The following AXL variants were observed in gnomAD, a reference collection of about 807,000 sequenced individuals.
AXL encodes the protein AXL receptor tyrosine kinase, also known as tyrosine-protein kinase receptor UFO.
In AXL, 52 loss-of-function variants were observed where a neutral mutation model predicts 104.5. The ratio of observed to expected loss-of-function variants is 0.50; its 90% CI spans 0.40 to 0.63. AXL has a LOEUF of 0.63. Ranked by LOEUF, AXL falls within the 20% of genes least tolerant of loss-of-function variation. The pLI is 0.00. For missense variants in AXL, 1,024 were observed against 1,188.5 expected, an observed-to-expected ratio of 0.86 and a Z score of 2.04; for synonymous variants, 455 against 473.7, an observed-to-expected ratio of 0.96 and a Z score of 0.51.
At chr19:41,256,124 T>A (rs532598939) in intron 17 of AXL, among the ~76,000 whole-genome samples, 5 of 151,862 alleles carry the variant, frequency 3.3e-5, no homozygotes, top group Non-Finnish European at 7.4e-5. Context: ...GCTGCTTACT[T>A]ATGACTTGTG....
At chr19:41,253,737 C>A (rs565796552) in intron 17 of AXL, 29 bp downstream of exon 17, 102 of 1,252,162 alleles carry the variant, frequency 8.1e-5, no homozygotes, top group African/African-American at 4.1e-4. Context: ...CCCCCCCCCC[C>A]CAACTGCTCC....
chr19:41,242,862 G>C, intron 10 of AXL, 21 bp from the exon 11 acceptor site: 1 of 1,614,016 alleles, frequency 6.2e-7, no homozygotes, highest in Non-Finnish European at 8.5e-7. Flanking sequence ...TCCATGACCT[G>C]TTCCTCATAC....
At chr19:41,221,482 G>C (rs2033790373) in intron 3 of AXL, 1 of 524,776 alleles carries the variant, frequency 1.9e-6, no homozygotes. Context: ...GACTTCTTGG[G>C]GGTAGTTGGA....
At position 41,256,728 on chromosome 19, in the gene AXL, C is replaced by G. The variant is rs1015763332; in HGVS notation, c.2196+117C>G. On this transcript the variant is annotated intron_variant, in intron 18 of 19. Transcript: ENST00000301178. The stretch of plus-strand genomic sequence containing the variant: ...ACAGGGACATGTGGGCTTCCCTTTG[C>G]AGGGGCTTGTCCACATGGGCTGGGC... The G allele has an allele frequency of 5.1e-6, 7 of 1,383,476 alleles. No individual in the cohort carries two copies. The African/African-American group carries it at 1.0e-4, about 20-fold the overall frequency. 85.7% of individuals were successfully genotyped at this position (1,383,476 alleles called of 1,614,324 possible).
chr19:41,255,368 T>TTC (rs35063299), intron 17 of AXL, among the ~76,000 whole-genome samples: 34,310 of 149,022 alleles, frequency 0.23, 4,204 homozygotes, highest in East Asian at 0.29. Context: ...TTCTTTCTCT[T>TTC]TCTCTCTCTT....
At position 41,238,324 on chromosome 19, in the gene AXL, T is replaced by C. The variant is rs111625602; in HGVS notation, c.995-146T>C. On this transcript the variant is annotated intron_variant, in intron 7 of 19. Transcript: ENST00000301178. ...TGCCCGCTGGCCTCTCTCCCAGCCC[T>C]TCTCTCCCCTGTGCTTCCTCTCATG... is the stretch of plus-strand genomic sequence containing the variant. 7.9e-4 allele frequency: 1,155 copies of C among 1,466,130 alleles called. 9 individuals are homozygous for C. In the African/African-American group the frequency reaches 0.014, roughly 18 times the overall value. 90.8% of individuals were successfully genotyped at this position (1,466,130 alleles called of 1,614,324 possible). A position where few individuals can be genotyped will look rare whatever the true frequency, so the allele number is the denominator to read the frequency against.
In AXL at chr19:41,242,944, C is replaced by T. The variant is rs145779711; in HGVS notation, c.1374C>T (p.Val458=). 9 of 1,614,148 alleles carry T rather than the reference C, an allele frequency of 5.6e-6. No homozygotes were observed. Among genetic ancestry groups the T allele is most frequent in the South Asian group, 1.1e-5 (1 of 91,074 alleles). The change falls in exon 11 of 20, where the codon GTC becomes GTT. Residue 458 remains valine (V), a synonymous_variant. Coordinates refer to ENST00000301178, the MANE Select transcript of AXL (RefSeq NM_021913.5). Reference sequence around the variant, plus strand: ...GGTGGTATGTACTGCTAGGAGCAGTCGTGGCCGCTGCCTGTGTCCTCATCT... The same window carrying T: ...GGTGGTATGTACTGCTAGGAGCAGTTGTGGCCGCTGCCTGTGTCCTCATCT... ...WPWWYVLLGA[V]VAAACVLILA... is the part of the protein sequence containing the mutation.
intron 19 of AXL, among the ~76,000 whole-genome samples, chr19:41,258,452 G>A (rs374501186): frequency 1.1e-4 from 16 of 152,242 alleles, no homozygotes; most frequent in African/African-American, 1.9e-4. Flanking sequence ...CTTGAGTCTC[G>A]CTCTGTCGCC....
Position 41,256,488 on chromosome 19 carries a change from C to T in AXL, c.2073C>T (p.Phe691=), listed in dbSNP as rs750332848. ...ACATGTCCGTGTGTGTGGCGGACTT[C>T]GGGCTCTCCAAGAAGATCTACAATG... ...NENMSVCVAD[F]GLSKKIYNGD... is the part of the protein sequence containing the mutation. Residue 691 remains phenylalanine, a synonymous_variant, in exon 18 of 20, where the codon TTC becomes TTT. Coordinates refer to ENST00000301178, the MANE Select transcript of AXL (RefSeq NM_021913.5). 366 of 1,614,028 alleles carry T rather than the reference C, an allele frequency of 2.3e-4. 5 individuals are homozygous for T. The South Asian group carries it at 2.9e-3, about 13-fold the overall frequency.
intron 4 of AXL, among the ~76,000 whole-genome samples, chr19:41,225,567 G>A (rs1032559830): frequency 2.6e-5 from 4 of 152,208 alleles, no homozygotes; most frequent in African/African-American, 9.6e-5. Context: ...CAGCCTAGAT[G>A]TACATTGCGT....
chr19:41,239,222 C>G lies in AXL; in HGVS notation c.1193C>G (p.Ser398Cys), dbSNP rs2122237749. The G allele has an allele frequency of 6.2e-7, 1 of 1,613,134 alleles. No individual in the cohort carries two copies. The highest frequency in any genetic ancestry group is 8.5e-7 in the Non-Finnish European group (1 of 1,179,452). ...ACCCTGGAGCTGCAGGGGGACGGGT[C>G]TGTGTCCAATCTGACAGTGTGTGTG... ...EVTLELQGDG[S>C]VSNLTVCVAA... Residue 398 changes from serine to cysteine, a missense_variant, in exon 9 of 20, where the codon TCT (serine) becomes TGT (cysteine). Physicochemically the swap from Ser to Cys is moderately radical, Grantham distance 112 (BLOSUM62 -1). Coordinates refer to ENST00000301178, the MANE Select transcript of AXL (RefSeq NM_021913.5).
chr19:41,221,833 T>C lies in AXL; in HGVS notation c.410-47T>C. ...CATCCTAGTGGTGAGTCAGGCATCT[T>C]GGGGCCTCAGAGGGACCCCAGCCTC... On this transcript the variant is annotated intron_variant, in intron 3 of 19. Transcript: ENST00000301178. 3 of 1,591,258 alleles carry C rather than the reference T, an allele frequency of 1.9e-6. No homozygotes were observed. The South Asian group carries it at 3.4e-5, about 18-fold the overall frequency.
At chr19:41,248,095 G>T (rs1323838608) in intron 12 of AXL, among the ~76,000 whole-genome samples, 1 of 150,580 alleles carries the variant, frequency 6.6e-6, no homozygotes, top group African/African-American at 2.4e-5. Flanking sequence ...GCTAATTTTT[G>T]TATTTTTTTG....
chr19:41,243,954 C>T (rs1234377625), intron 12 of AXL: 3 of 422,742 alleles, frequency 7.1e-6, no homozygotes, highest in East Asian at 4.1e-5. Context: ...GCCTGTAATC[C>T]TAGCGCTTCG....
Position 41,252,898 on chromosome 19 carries a change from C to T in AXL, c.1857C>T (p.Ile619=), listed in dbSNP as rs2122276957. The T allele has an allele frequency of 4.4e-6, 7 of 1,603,216 alleles. No individual in the cohort carries two copies. The highest frequency in any genetic ancestry group is 6.0e-6 in the Non-Finnish European group (7 of 1,175,008). The part of the protein sequence containing the change: ...ERESFPAPVV[I]LPFMKHGDLH... ...AGAGCTTCCCAGCACCTGTGGTCATCTTACCTTTCATGAAACATGGAGACC... is the reference window on the plus strand; with the variant it reads ...AGAGCTTCCCAGCACCTGTGGTCATTTTACCTTTCATGAAACATGGAGACC... The change falls in exon 16 of 20, where the codon ATC becomes ATT. Residue 619 remains isoleucine (I), a synonymous_variant. Coordinates refer to ENST00000301178, the MANE Select transcript of AXL (RefSeq NM_021913.5).
intron 15 of AXL, among the ~76,000 whole-genome samples, 195 bp downstream of exon 15, chr19:41,252,638 G>A (rs1266322852): frequency 6.6e-6 from 1 of 152,166 alleles, no homozygotes; most frequent in East Asian, 1.9e-4. Context: ...AAATAGCTGA[G>A]GTCCCCAGGA....
chr19:41,244,479 T>C (rs893745272), intron 12 of AXL, among the ~76,000 whole-genome samples: 1 of 151,808 alleles, frequency 6.6e-6, no homozygotes, highest in African/African-American at 2.4e-5. Context: ...CTTTTTTCTT[T>C]TTTTTTCTTT....
chr19:41,227,390 A>C (rs1370058027), intron 4 of AXL, among the ~76,000 whole-genome samples: 4 of 152,034 alleles, frequency 2.6e-5, no homozygotes, highest in African/African-American at 7.2e-5. Context: ...ATCTTTTTCT[A>C]AGTGGAGAAT....
intron 1 of AXL, chr19:41,220,276 A>C (rs1451673038): frequency 1.3e-5 from 3 of 222,266 alleles, no homozygotes; most frequent in African/African-American, 2.4e-5. Context: ...CTCTCCCCCA[A>C]CCCCTGATTC....
Sources: allele counts gnomAD v4.1 joint callset (sites outside exome capture counted in the v4.1 genomes callset), GRCh38; gene constraint gnomAD v4.1.1; transcripts MANE v1.5; gene names NCBI Gene and HGNC (gene_info 2026-07-23, HGNC 2026-07-21).